The following WASF1 variants were observed in gnomAD, a reference collection of about 807,000 sequenced individuals.
WASF1 encodes the protein actin-binding protein WASF1.
Under a neutral mutation model 50.5 loss-of-function variants are expected in WASF1, and 7 were observed. The observed-to-expected ratio is 0.14, with a 90% CI of 0.08 to 0.26. WASF1 has a LOEUF of 0.26. Among genes scored for constraint, WASF1 ranks in the 10% least tolerant of loss-of-function variants. The probability of loss-of-function intolerance (pLI) is 1.00; values close to 1 mark genes in which losing one functional copy is unlikely to be tolerated. For synonymous variants in WASF1, 205 were observed against 244.0 expected, an observed-to-expected ratio of 0.84 and a Z score of 1.49; for missense variants, 470 against 694.7, an observed-to-expected ratio of 0.68 and a Z score of 3.64.
intron 2 of WASF1, among the ~76,000 whole-genome samples, chr6:110,167,005 A>G (rs1776504382): frequency 1.3e-5 from 2 of 151,982 alleles, no homozygotes; most frequent in African/African-American, 4.8e-5. Context: ...GATGGACCAC[A>G]TATATGTTGG....
intron 3 of WASF1, among the ~76,000 whole-genome samples, chr6:110,141,543 T>TTACTA (rs1482596884): frequency 1.3e-5 from 2 of 152,116 alleles, no homozygotes; most frequent in African/African-American, 4.8e-5. Flanking sequence ...CAATTATACT[T>TTACTA]TACTATACTG....
At chr6:110,115,601 A>G (rs191812428) in intron 4 of WASF1, among the ~76,000 whole-genome samples, 1 of 152,328 alleles carries the variant, frequency 6.6e-6, no homozygotes, top group African/African-American at 2.4e-5. Context: ...GCCCGCAAAC[A>G]TGACAGCTCT....
chr6:110,108,420 T>G, intron 6 of WASF1, 108 bp downstream of exon 6: 1 of 1,123,818 alleles, frequency 8.9e-7, no homozygotes, highest in Non-Finnish European at 1.2e-6. Context: ...CAGAGAGGGC[T>G]CTCTGTGTTG....
intron 2 of WASF1, among the ~76,000 whole-genome samples, chr6:110,167,300 AT>A (rs961511060): frequency 2.1e-4 from 32 of 149,570 alleles, no homozygotes; most frequent in African/African-American, 5.9e-4. Flanking sequence ...CCTTCTACTT[AT>A]TTTTTTTTTC....
Position 110,173,776 on chromosome 6 carries a change from C to G in WASF1, c.-127+4822G>C, listed in dbSNP as rs9374159. On this transcript the variant is annotated intron_variant, in intron 2 of 10. Transcript: ENST00000392589. ...GCAAGAAACAAGGCCATTAACAGTT[C>G]CAGAGTTTTGTATCTCACAGCTTCA... Among the ~76,000 whole-genome samples the G allele has an allele frequency of 2.1e-4, 32 of 152,282 alleles. No individual in the cohort carries two copies. In the East Asian group the frequency reaches 5.8e-3, roughly 28 times the overall value.
At position 110,179,455 on chromosome 6, in the gene WASF1, C is replaced by T. The variant is rs115691185; in HGVS notation, c.-288G>A. 7,791 of 152,374 alleles carry T rather than the reference C, an allele frequency of 0.051. 220 individuals are homozygous for T. Among genetic ancestry groups the T allele is most frequent in the East Asian group, 0.12 (587 of 5,100 alleles). 9.4% of individuals were successfully genotyped at this position (152,374 alleles called of 1,614,324 possible). A position where few individuals can be genotyped will look rare whatever the true frequency, so the allele number is the denominator to read the frequency against. On this transcript the variant is annotated 5_prime_UTR_variant, in exon 1 of 11. Coordinates refer to ENST00000392589, the MANE Select transcript of WASF1 (RefSeq NM_003931.3). ...CGCGCTCACCGTGAAATCTTGGGGG[C>T]TCACGCCTTACCCCTTCTTCATGCT...
intron 5 of WASF1, among the ~76,000 whole-genome samples, chr6:110,109,286 C>A (rs1773455610): frequency 6.6e-6 from 1 of 152,116 alleles, no homozygotes; most frequent in Non-Finnish European, 1.5e-5. Flanking sequence ...TAACTATAAG[C>A]TCTTGAAGAC....
chr6:110,159,203 C>T (rs570046214), intron 3 of WASF1, among the ~76,000 whole-genome samples: 3 of 151,576 alleles, frequency 2.0e-5, no homozygotes, highest in Non-Finnish European at 2.9e-5. Flanking sequence ...AAGGCAAATT[C>T]GGTAGATGCA....
intron 3 of WASF1, among the ~76,000 whole-genome samples, chr6:110,146,710 C>T (rs1775580024): frequency 6.6e-6 from 1 of 152,060 alleles, no homozygotes; most frequent in Admixed American, 6.6e-5. Context: ...TTATCTCAAA[C>T]TGTTTCATTA....
chr6:110,159,713 T>C (rs1776183314), intron 3 of WASF1, among the ~76,000 whole-genome samples: 1 of 152,004 alleles, frequency 6.6e-6, no homozygotes, highest in Non-Finnish European at 1.5e-5. Context: ...CTCTTGGGGA[T>C]AGGACCCAAG....
At chr6:110,104,446 T>G (rs1408824326) in intron 8 of WASF1, among the ~76,000 whole-genome samples, 1 of 152,178 alleles carries the variant, frequency 6.6e-6, no homozygotes, top group African/African-American at 2.4e-5. Flanking sequence ...CCCAATCATT[T>G]ATATGTATAT....
intron 4 of WASF1, among the ~76,000 whole-genome samples, chr6:110,120,526 G>T (rs1190025991): frequency 2.0e-5 from 3 of 152,026 alleles, no homozygotes; most frequent in East Asian, 1.9e-4. Context: ...ACTGCTCAAC[G>T]AAATAAAAGA....
chr6:110,141,426 G>T (rs542603980), intron 3 of WASF1, among the ~76,000 whole-genome samples: 6 of 152,140 alleles, frequency 3.9e-5, no homozygotes, highest in African/African-American at 1.4e-4. Context: ...ACTAGACTCA[G>T]GCAGCAACTC....
intron 4 of WASF1, among the ~76,000 whole-genome samples, chr6:110,117,364 T>C (rs751227220): frequency 2.0e-5 from 3 of 152,142 alleles, no homozygotes; most frequent in Non-Finnish European, 4.4e-5. Context: ...TTGTGACGCA[T>C]GCACAAGCTT....
intron 3 of WASF1, among the ~76,000 whole-genome samples, chr6:110,145,604 G>C (rs572307110): frequency 3.9e-5 from 6 of 152,162 alleles, no homozygotes; most frequent in African/African-American, 1.4e-4. Context: ...GTTTGTCATA[G>C]GTAGCTCTTA....
chr6:110,103,434 A>T lies in WASF1; in HGVS notation c.837T>A (p.Pro279=). 6.2e-7 allele frequency: 1 copy of T among 1,613,906 alleles called. No homozygotes were observed. The highest frequency in any genetic ancestry group is 8.5e-7 in the Non-Finnish European group (1 of 1,179,920). The part of the protein sequence containing the change: ...ERVLVRPHEP[P]PPPPMHGAGD... The stretch of plus-strand genomic sequence containing the variant: ...CTGCTCCATGCATTGGTGGAGGTGG[A>T]GGTGGTTCATGTGGTCTGACTAATA... Residue 279 remains proline, a synonymous_variant, in exon 9 of 11, where the codon CCT becomes CCA. Coordinates refer to ENST00000392589, the MANE Select transcript of WASF1 (RefSeq NM_003931.3).
chr6:110,144,571 T>G (rs1444288344), intron 3 of WASF1, among the ~76,000 whole-genome samples: 10 of 152,190 alleles, frequency 6.6e-5, no homozygotes, highest in Non-Finnish European at 1.5e-4. Flanking sequence ...TGCCTAGGTT[T>G]TCTTCTAGGG....
At chr6:110,114,995 G>C (rs986341361) in intron 4 of WASF1, among the ~76,000 whole-genome samples, 5 of 151,866 alleles carry the variant, frequency 3.3e-5, no homozygotes, top group African/African-American at 1.2e-4. Context: ...GGGGAGGTGA[G>C]GCAGGAGGAT....
chr6:110,142,182 C>A (rs558423454), intron 3 of WASF1, among the ~76,000 whole-genome samples: 1 of 152,158 alleles, frequency 6.6e-6, no homozygotes, highest in East Asian at 1.9e-4. Flanking sequence ...ATGGATGGAT[C>A]ATATCTTACT....
Sources: allele counts gnomAD v4.1 joint callset (sites outside exome capture counted in the v4.1 genomes callset), GRCh38; gene constraint gnomAD v4.1.1; transcripts MANE v1.5; gene names NCBI Gene and HGNC (gene_info 2026-07-23, HGNC 2026-07-21).